The following ADAMTSL1 variants were observed in gnomAD, a reference collection of about 807,000 sequenced individuals.
The protein encoded by ADAMTSL1 is ADAMTS like 1.
ADAMTSL1 carries 126 observed loss-of-function variants against 201.8 expected under a neutral mutation model. The ratio of observed to expected loss-of-function variants is 0.62; its 90% confidence interval spans 0.54 to 0.72. ADAMTSL1 has a LOEUF of 0.72. ADAMTSL1 is among the 30% of genes least tolerant of loss of function. ADAMTSL1 has a pLI of 0.00. For synonymous variants in ADAMTSL1, 1,121 were observed against 903.4 expected (o/e 1.24, Z -4.32); for missense variants, 2,679 against 2,277.8 (o/e 1.18, Z -3.59).
intron 1 of ADAMTSL1, among the ~76,000 whole-genome samples, chr9:18,074,814 C>G (rs138881323): frequency 6.6e-5 from 10 of 152,226 alleles, no homozygotes; most frequent in African/African-American, 2.2e-4. Flanking sequence ...TTGTCTCAAA[C>G]TCCTAACCTC....
chr9:17,947,287 G>C (rs977873906), intron 1 of ADAMTSL1, among the ~76,000 whole-genome samples: 5 of 146,510 alleles, frequency 3.4e-5, no homozygotes, highest in Non-Finnish European at 3.0e-5. Context: ...ATGAAAAATT[G>C]TAAGGCATTT....
At chr9:17,968,204 C>T (rs71506856) in intron 1 of ADAMTSL1, among the ~76,000 whole-genome samples, 14,656 of 152,082 alleles carry the variant, frequency 0.096, 981 homozygotes, top group South Asian at 0.21. Context: ...TATCCTCCTC[C>T]ATCTCATGAT....
intron 2 of ADAMTSL1, among the ~76,000 whole-genome samples, chr9:18,262,983 C>A (rs571105049): frequency 6.6e-6 from 1 of 152,116 alleles, no homozygotes; most frequent in Non-Finnish European, 1.5e-5. Context: ...GATAATTAAA[C>A]CAATGAAAAC....
intron 23 of ADAMTSL1, among the ~76,000 whole-genome samples, chr9:18,873,825 C>G (rs890866155): frequency 6.6e-6 from 1 of 151,986 alleles, no homozygotes; most frequent in Non-Finnish European, 1.5e-5. Context: ...TTTTCTAATT[C>G]TGTGAAGAAT....
chr9:18,866,370 T>C (rs762739801), intron 23 of ADAMTSL1, among the ~76,000 whole-genome samples: 17 of 152,200 alleles, frequency 1.1e-4, no homozygotes, highest in Non-Finnish European at 2.4e-4. Context: ...GGGCCTGTAC[T>C]ACATGTGCTG....
chr9:18,887,028 A>G (rs1386185677), intron 23 of ADAMTSL1, among the ~76,000 whole-genome samples: 2 of 152,004 alleles, frequency 1.3e-5, no homozygotes, highest in Non-Finnish European at 2.9e-5. Flanking sequence ...AAATCTATAG[A>G]TTCTTTAATT....
intron 2 of ADAMTSL1, among the ~76,000 whole-genome samples, chr9:18,279,224 C>A (rs2132619175): frequency 1.3e-5 from 2 of 152,142 alleles, no homozygotes; most frequent in South Asian, 4.2e-4. Flanking sequence ...CCTAGTCAGC[C>A]CTGCAGAACC....
At chr9:18,346,848 C>T (rs527896678) in intron 2 of ADAMTSL1, among the ~76,000 whole-genome samples, 20 of 152,256 alleles carry the variant, frequency 1.3e-4, no homozygotes, top group Non-Finnish European at 2.8e-4. Flanking sequence ...TCGAAAGGCT[C>T]AATCTCACAT....
intron 3 of ADAMTSL1, among the ~76,000 whole-genome samples, chr9:18,568,512 A>G (rs138079391): frequency 2.8e-4 from 43 of 152,332 alleles, no homozygotes; most frequent in African/African-American, 1.0e-3. Context: ...ATTTTCTAAC[A>G]TCATCCAGTA....
rs112485525 is a variant in ADAMTSL1, at chr9:17,955,956, C to T, written c.87+49034C>T. ...ATTTATGTTGCTTTATTCAATTTCC[C>T]TTTTAGACACATTTTTTAAAACAAA... On this transcript the variant is annotated intron_variant, in intron 1 of 29. Transcript: ENST00000680146. Among the ~76,000 whole-genome samples, 567 of 152,212 alleles carry T rather than the reference C, an allele frequency of 3.7e-3. 4 individuals are homozygous for T. Among genetic ancestry groups the T allele is most frequent in the African/African-American group, 0.013 (538 of 41,546 alleles).
chr9:18,890,583 A>G (rs754155697), intron 25 of ADAMTSL1: 6 of 455,864 alleles, frequency 1.3e-5, no homozygotes, highest in South Asian at 9.3e-5. Flanking sequence ...TGAAACCAGG[A>G]GAGATTCGAT....
rs78054618 is a variant in ADAMTSL1 at position 18,490,340 on chromosome 9, G to C, written c.64-14489G>C. Among the ~76,000 whole-genome samples, 1,219 of 152,124 alleles carry C rather than the reference G, an allele frequency of 8.0e-3. 11 individuals carry two copies. The highest frequency in any genetic ancestry group is 0.012 in the Non-Finnish European group (794 of 67,986). On this transcript the variant is annotated intron_variant, in intron 1 of 28. Coordinates refer to ENST00000380548, the MANE Select transcript of ADAMTSL1 (RefSeq NM_001040272.6). ...GGCAATTGATTGGAGGGAGGGAGAG[G>C]GGGTAGGTGAAGGGGATGAGGAGGA...
At chr9:18,472,184 T>G (rs1390788477), upstream of ADAMTSL1, among the ~76,000 whole-genome samples, 1 of 152,212 alleles carries the variant, frequency 6.6e-6, no homozygotes, top group African/African-American at 2.4e-5. Flanking sequence ...AGCTCTGGTG[T>G]GTAACAGAGA....
intron 3 of ADAMTSL1, among the ~76,000 whole-genome samples, chr9:18,542,655 A>C (rs1001638515): frequency 2.0e-5 from 3 of 152,112 alleles, no homozygotes; most frequent in Non-Finnish European, 4.4e-5. Flanking sequence ...CAGACCCCTG[A>C]TGTTGGCCTC....
intron 2 of ADAMTSL1, among the ~76,000 whole-genome samples, chr9:18,354,977 T>TAAAC (rs147464985): frequency 0.02 from 2,969 of 151,934 alleles, 65 homozygotes; most frequent in African/African-American, 0.053. Context: ...TCTCTATAAA[T>TAAAC]AAACAAACAA....
chr9:18,623,315 T>C (rs770732023), intron 5 of ADAMTSL1, among the ~76,000 whole-genome samples: 16 of 152,182 alleles, frequency 1.1e-4, no homozygotes, highest in Non-Finnish European at 2.2e-4. Context: ...CATGTAATTG[T>C]TATAACAACC....
intron 21 of ADAMTSL1, among the ~76,000 whole-genome samples, chr9:18,820,727 TG>T (rs1243625095): frequency 3.9e-5 from 6 of 152,224 alleles, no homozygotes; most frequent in Non-Finnish European, 8.8e-5. Context: ...TTCCCAATCC[TG>T]AAGCATCAAC....
In ADAMTSL1 at chr9:17,933,195, T is replaced by C. The variant is rs1826868260; in HGVS notation, c.87+26273T>C. On this transcript the variant is annotated intron_variant, in intron 1 of 29. Coordinates refer to the ADAMTSL1 transcript ENST00000680146. The stretch of plus-strand genomic sequence containing the variant: ...CCCTGGGGAAGGATCTGTTCCTTGC[T>C]GCTTCTGGGTTCTGGTAGCTTTCAG... Among the ~76,000 whole-genome samples the C allele has an allele frequency of 2.0e-5, 3 of 152,296 alleles. No homozygotes were observed. The South Asian group carries it at 6.2e-4, about 32-fold the overall frequency.
intron 2 of ADAMTSL1, among the ~76,000 whole-genome samples, chr9:18,430,041 C>T (rs1378215953): frequency 3.9e-5 from 6 of 152,132 alleles, no homozygotes; most frequent in Non-Finnish European, 5.9e-5. Flanking sequence ...CCACCCATGT[C>T]AGCCTCCCAA....
Sources: allele counts gnomAD v4.1 joint callset (sites outside exome capture counted in the v4.1 genomes callset), GRCh38; gene constraint gnomAD v4.1.1; transcripts MANE v1.5; gene names NCBI Gene and HGNC (gene_info 2026-07-23, HGNC 2026-07-21).